The following FBXW10B variants were observed in gnomAD, a reference collection of about 807,000 sequenced individuals.
FBXW10B encodes F-box and WD repeat domain containing protein 10B.
the FBXW10B span, among the ~76,000 whole-genome samples, chr17:15,616,829 A>G: frequency 6.7e-6 from 1 of 149,898 alleles, no homozygotes; most frequent in Non-Finnish European, 1.5e-5. Context: ...AAAAAAAAAA[A>G]AAAAAGAAGA....
chr17:15,616,662 C>T, the FBXW10B span, among the ~76,000 whole-genome samples: 4 of 151,512 alleles, frequency 2.6e-5, no homozygotes, highest in African/African-American at 4.8e-5. Flanking sequence ...AAAAATTAGC[C>T]GGGCGTGGTG....
chr17:15,599,051 T>C, the FBXW10B span, among the ~76,000 whole-genome samples: 1 of 152,032 alleles, frequency 6.6e-6, no homozygotes, highest in East Asian at 1.9e-4. Flanking sequence ...GGCGTGCACC[T>C]ATAATCCCAG....
At chr17:15,609,014 A>G in the FBXW10B span, among the ~76,000 whole-genome samples, 1 of 147,296 alleles carries the variant, frequency 6.8e-6, no homozygotes. Flanking sequence ...CCTCTATCAC[A>G]CACCTTCTGG....
At chr17:15,586,198 T>C in the FBXW10B span, among the ~76,000 whole-genome samples, 1 of 151,688 alleles carries the variant, frequency 6.6e-6, no homozygotes, top group South Asian at 2.1e-4. Flanking sequence ...AAAGATTCAT[T>C]TTTTCCTCAC....
At chr17:15,566,998 G>A in the FBXW10B span, among the ~76,000 whole-genome samples, 5 of 151,500 alleles carry the variant, frequency 3.3e-5, no homozygotes, top group African/African-American at 7.3e-5. Context: ...GAGGCCGGGC[G>A]CGGTGGCTCA....
At chr17:15,600,652 A>T in the FBXW10B span, among the ~76,000 whole-genome samples, 1 of 152,154 alleles carries the variant, frequency 6.6e-6, no homozygotes. Context: ...GAACAAGATG[A>T]AGATGCCCAC....
chr17:15,602,865 G>A, the FBXW10B span, among the ~76,000 whole-genome samples: 9 of 121,840 alleles, frequency 7.4e-5, 1 homozygote, highest in East Asian at 2.3e-3. Context: ...CTGACCTCGT[G>A]ATCCGCCCGC....
At chr17:15,601,472 T>A in the FBXW10B span, among the ~76,000 whole-genome samples, 1 of 148,954 alleles carries the variant, frequency 6.7e-6, no homozygotes, top group Non-Finnish European at 1.5e-5. Context: ...CTTTTAGAAC[T>A]AATAAGAGAG....
At chr17:15,604,308 A>C in the FBXW10B span, among the ~76,000 whole-genome samples, 1 of 152,170 alleles carries the variant, frequency 6.6e-6, no homozygotes, top group African/African-American at 2.4e-5. Context: ...AAAAACAGGC[A>C]CAAGTAACTA....
At chr17:15,598,895 G>A in the FBXW10B span, 2 of 569,032 alleles carry the variant, frequency 3.5e-6, no homozygotes, top group Non-Finnish European at 5.7e-6. Context: ...AAGAGTCGTT[G>A]GTCAGGCACA....
the FBXW10B span, chr17:15,612,517 TAAA>T: frequency 1.4e-5 from 5 of 363,954 alleles, no homozygotes; most frequent in Non-Finnish European, 1.9e-5. Flanking sequence ...CCATCTCATT[TAAA>T]AAAAAAAAAG....
chr17:15,588,494 CA>C, the FBXW10B span: 2,417 of 225,446 alleles, frequency 0.011, 64 homozygotes, highest in African/African-American at 0.052. Context: ...AGTCAGTCTT[CA>C]ACCCTAGGAG....
At chr17:15,615,816 C>T in the FBXW10B span, 2 of 1,613,634 alleles carry the variant, frequency 1.2e-6, no homozygotes, top group Non-Finnish European at 1.7e-6. Context: ...AGCCCTGAAA[C>T]ACAGAAGACC....
At chr17:15,600,215 C>CAAA in the FBXW10B span, among the ~76,000 whole-genome samples, 1 of 120,934 alleles carries the variant, frequency 8.3e-6, no homozygotes. Context: ...GACTCTGTCT[C>CAAA]AAAAAAAAAA....
At chr17:15,591,687 A>G in the FBXW10B span, among the ~76,000 whole-genome samples, 1 of 133,734 alleles carries the variant, frequency 7.5e-6, no homozygotes, top group Non-Finnish European at 1.6e-5. Flanking sequence ...CTTGAAATTC[A>G]GTGTTTTTGT....
chr17:15,609,852 C>CTTTTTTT, the FBXW10B span, among the ~76,000 whole-genome samples: 440 of 103,194 alleles, frequency 4.3e-3, 3 homozygotes, highest in Non-Finnish European at 5.2e-3. Flanking sequence ...TTCTTTCTTT[C>CTTTTTTT]TTTTTTTTTT....
the FBXW10B span, among the ~76,000 whole-genome samples, chr17:15,595,878 G>A: frequency 1.3e-5 from 2 of 150,812 alleles, no homozygotes; most frequent in African/African-American, 4.9e-5. Flanking sequence ...AGGAAAAAAT[G>A]CTTCGTTCAT....
At chr17:15,583,708 C>T in the FBXW10B span, among the ~76,000 whole-genome samples, 4 of 151,506 alleles carry the variant, frequency 2.6e-5, no homozygotes, top group East Asian at 1.9e-4. Context: ...GTGTGCCCCA[C>T]GTACAGTTGG....
the FBXW10B span, among the ~76,000 whole-genome samples, chr17:15,608,739 C>A: frequency 9.2e-5 from 14 of 152,202 alleles, no homozygotes; most frequent in Admixed American, 4.6e-4. Context: ...CACGTGTGAG[C>A]CACCACGACC....
Sources: allele counts gnomAD v4.1 joint callset (sites outside exome capture counted in the v4.1 genomes callset), GRCh38; gene constraint gnomAD v4.1.1; transcripts MANE v1.5; gene names NCBI Gene and HGNC (gene_info 2026-07-23, HGNC 2026-07-21).